The following FAAH2 variants were observed in gnomAD, a reference collection of about 807,000 sequenced individuals.
FAAH2 encodes the protein fatty acid amide hydrolase 2.
In FAAH2, 60 loss-of-function variants were observed where a neutral mutation model predicts 36.9. That is an observed-to-expected ratio of 1.63 (90% CI 1.32 to 2.02). The LOEUF (loss-of-function observed/expected upper bound fraction) is 2.02. Ranked by LOEUF, FAAH2 falls within the 30% of genes most tolerant of loss-of-function variation. The pLI is 0.00. For missense variants in FAAH2, 689 were observed against 397.5 expected (o/e 1.73, Z -6.23); for synonymous variants, 214 against 143.8 (o/e 1.49, Z -3.49).
At chrX:57,447,165 G>T (rs370498059) in intron 9 of FAAH2, 126 bp downstream of exon 9, 3 of 429,585 alleles carry the variant, frequency 7.0e-6, no homozygotes, top group East Asian at 4.0e-5. Context: ...AAATCTTAAC[G>T]CTCCAAAATG....
At chrX:57,165,437 A>T in the FAAH2 span, among the ~76,000 whole-genome samples, 3 of 111,337 alleles carry the variant, frequency 2.7e-5, no homozygotes, top group Non-Finnish European at 5.6e-5. Context: ...AACTATCGCA[A>T]GAACAAAAAA....
the FAAH2 span, among the ~76,000 whole-genome samples, chrX:57,127,797 T>A: frequency 9.0e-6 from 1 of 111,247 alleles, no homozygotes; most frequent in Non-Finnish European, 1.9e-5. Context: ...CAATGTTAAA[T>A]CCCTGGTATG....
At chrX:57,243,554 AG>A in the FAAH2 span, among the ~76,000 whole-genome samples, 1 of 112,348 alleles carries the variant, frequency 8.9e-6, no homozygotes, top group African/African-American at 3.2e-5. Context: ...AGGAAGGAAA[AG>A]GCAGCAATCT....
Position 57,352,099 on chromosome X carries a change from T to TATATACAC in FAAH2, c.742+10714_742+10715insCACATATA, listed in dbSNP as rs2054033357. Among the ~76,000 whole-genome samples, 9 of 14,747 alleles carry TATATACAC rather than the reference T, an allele frequency of 6.1e-4. 1 individual carries two copies. The highest frequency in any genetic ancestry group is 4.7e-3 in the East Asian group (4 of 856). 12.8% of individuals were successfully genotyped at this position (14,747 alleles called of 115,157 possible). On this transcript the variant is annotated intron_variant, in intron 5 of 10. Coordinates refer to ENST00000374900, the MANE Select transcript of FAAH2 (RefSeq NM_174912.4). ...ATATATGTGTATATATATGCACATA[T>TATATACAC]ATATATATGTGTATATATATGCACA... is the stretch of plus-strand genomic sequence containing the variant.
chrX:57,136,012 G>A, the FAAH2 span: 9 of 1,206,642 alleles, frequency 7.5e-6, no homozygotes, highest in Non-Finnish European at 1.0e-5. Flanking sequence ...TCTGTTGGAG[G>A]AGACTCACTG....
At chrX:57,385,548 G>T (rs748279242) in intron 7 of FAAH2, among the ~76,000 whole-genome samples, 1 of 111,555 alleles carries the variant, frequency 9.0e-6, no homozygotes, top group African/African-American at 3.3e-5. Context: ...AGCTGCTAAG[G>T]CTGCATAAAG....
rs754855471 is a variant in FAAH2, at chrX:57,328,829, G to A, written c.413-2769G>A. Among the ~76,000 whole-genome samples, 29 of 111,716 alleles carry A rather than the reference G, an allele frequency of 2.6e-4. No homozygotes were observed. In the South Asian group the frequency reaches 6.4e-3, roughly 25 times the overall value. On this transcript the variant is annotated intron_variant, in intron 3 of 10. Transcript: ENST00000374900. Reference sequence around the variant, plus strand: ...TTTCTGGAACATTTAAAGTGGCCAAGACTCAGCTCAGTACTCCTGGATTGC... The same window carrying A: ...TTTCTGGAACATTTAAAGTGGCCAAAACTCAGCTCAGTACTCCTGGATTGC...
At chrX:57,345,427 G>A (rs1013539157) in intron 5 of FAAH2, among the ~76,000 whole-genome samples, 15 of 110,996 alleles carry the variant, frequency 1.4e-4, no homozygotes, top group African/African-American at 4.9e-4. Context: ...TGTCCATAGA[G>A]GTGTTCATAA....
At chrX:57,153,098 G>A in the FAAH2 span, among the ~76,000 whole-genome samples, 1 of 112,017 alleles carries the variant, frequency 8.9e-6, no homozygotes, top group Non-Finnish European at 1.9e-5. Context: ...GTTGGTCAAG[G>A]CCTTTTATTA....
At chrX:57,422,869 G>A (rs1230771786) in intron 7 of FAAH2, among the ~76,000 whole-genome samples, 2 of 112,310 alleles carry the variant, frequency 1.8e-5, no homozygotes, top group Non-Finnish European at 3.8e-5. Context: ...ATCCAAGAAG[G>A]AACATGAGAG....
At chrX:57,453,917 G>A (rs2056826315) in intron 10 of FAAH2, among the ~76,000 whole-genome samples, 1 of 111,898 alleles carries the variant, frequency 8.9e-6, no homozygotes, top group South Asian at 3.8e-4. Context: ...GGCCAGCCTG[G>A]CAAGGATATG....
At chrX:57,255,965 A>ATTTG in the FAAH2 span, among the ~76,000 whole-genome samples, 1 of 111,946 alleles carries the variant, frequency 8.9e-6, no homozygotes, top group East Asian at 2.8e-4. Flanking sequence ...GTATCCAAAT[A>ATTTG]AAAAGAGAGG....
chrX:57,291,835 C>T (rs532516058), intron 1 of FAAH2, among the ~76,000 whole-genome samples: 1 of 111,234 alleles, frequency 9.0e-6, no homozygotes, highest in Admixed American at 9.6e-5. Flanking sequence ...TTGTCTCATT[C>T]CTGCTCACAT....
chrX:57,295,818 T>G (rs775100946), intron 2 of FAAH2, among the ~76,000 whole-genome samples: 1 of 112,470 alleles, frequency 8.9e-6, no homozygotes, highest in Non-Finnish European at 1.9e-5. Context: ...TATCCCGCAC[T>G]TGGATCAGAG....
At chrX:57,321,342 G>A (rs1294418182) in intron 3 of FAAH2, among the ~76,000 whole-genome samples, 1 of 109,264 alleles carries the variant, frequency 9.2e-6, no homozygotes, top group Admixed American at 9.9e-5. Flanking sequence ...GGATCTAGGG[G>A]AAGGATAGCA....
chrX:57,261,119 A>C, the FAAH2 span, among the ~76,000 whole-genome samples: 1 of 111,935 alleles, frequency 8.9e-6, no homozygotes, highest in African/African-American at 3.2e-5. Flanking sequence ...TAATTATAAA[A>C]ACGTGAAGCC....
the FAAH2 span, among the ~76,000 whole-genome samples, chrX:57,273,975 G>T: frequency 9.0e-6 from 1 of 111,126 alleles, no homozygotes; most frequent in Non-Finnish European, 1.9e-5. Flanking sequence ...TTCAGGAGTT[G>T]TTTTTTTAGA....
At position 57,489,083 on chromosome X, in the gene FAAH2, C is replaced by A; in HGVS notation, c.*151C>A. The A allele has an allele frequency of 1.7e-6, 1 of 573,724 alleles. No individual in the cohort carries two copies. Among genetic ancestry groups the A allele is most frequent in the Non-Finnish European group, 2.6e-6 (1 of 391,383 alleles). 47.3% of individuals were successfully genotyped at this position (573,724 alleles called of 1,213,427 possible). ...TAGTTATTCTTTCTACTTTTATTTC[C>A]TTCTCTAACTGTTGGTCTTACTAAA... On this transcript the variant is annotated 3_prime_UTR_variant, in exon 11 of 11. Transcript: ENST00000374900.
At chrX:57,370,925 A>G (rs1394184432) in intron 5 of FAAH2, among the ~76,000 whole-genome samples, 1 of 111,321 alleles carries the variant, frequency 9.0e-6, no homozygotes, top group Non-Finnish European at 1.9e-5. Context: ...CCTGGTGCCA[A>G]AAAGTTTGGG....
Sources: gnomAD v4.1 joint callset for allele counts (sites outside exome capture counted in the v4.1 genomes callset) on GRCh38, gnomAD v4.1.1 for gene constraint, MANE v1.5 for transcripts, NCBI Gene and HGNC (gene_info 2026-07-23, HGNC 2026-07-21) for gene names.